Variants in MACROD2 observed in about 807,000 individuals in gnomAD.
MACROD2 encodes the protein mono-ADP ribosylhydrolase 2.
Under a neutral mutation model 70.4 loss-of-function variants are expected in MACROD2, and 36 were observed. The ratio of observed to expected loss-of-function variants is 0.51; its 90% CI spans 0.39 to 0.68. MACROD2 has a LOEUF of 0.68. Among genes scored for constraint, MACROD2 ranks in the 30% least tolerant of loss-of-function variants. The probability of loss-of-function intolerance (pLI) is 0.00; values close to 1 mark genes in which losing one functional copy is unlikely to be tolerated. For synonymous variants in MACROD2, 172 were observed against 178.8 expected (o/e 0.96, Z 0.30); for missense variants, 496 against 538.4 (o/e 0.92, Z 0.78).
At chr20:15,623,679 CCTAT>C (rs3071265) in intron 8 of MACROD2, among the ~76,000 whole-genome samples, 17,077 of 148,148 alleles carry the variant, frequency 0.12, 1,254 homozygotes, top group Non-Finnish European at 0.14. Flanking sequence ...AAGTTATCTG[CCTAT>C]CTATCTATCT....
At chr20:15,218,266 A>G (rs2076828159) in intron 5 of MACROD2, among the ~76,000 whole-genome samples, 1 of 152,126 alleles carries the variant, frequency 6.6e-6, no homozygotes. Flanking sequence ...CTTAGAGTCA[A>G]GCTCCTTGAA....
intron 7 of MACROD2, among the ~76,000 whole-genome samples, chr20:15,468,687 C>T (rs1034944289): frequency 7.9e-5 from 12 of 152,138 alleles, no homozygotes; most frequent in African/African-American, 2.9e-4. Flanking sequence ...TTCTATTATC[C>T]GTCTTCTGCT....
At chr20:14,441,066 CAT>C (rs754130897) in intron 3 of MACROD2, among the ~76,000 whole-genome samples, 3 of 152,176 alleles carry the variant, frequency 2.0e-5, no homozygotes, top group African/African-American at 2.4e-5. Flanking sequence ...AGTAAGAAAA[CAT>C]GTGCATTATT....
In MACROD2 at chr20:15,298,071, G is replaced by A. The variant is rs58055769; in HGVS notation, c.540+68010G>A. On this transcript the variant is annotated intron_variant, in intron 6 of 17. Coordinates refer to ENST00000684519, the MANE Select transcript of MACROD2 (RefSeq NM_001351661.2). ...CAGATAAAGGATATACCTGGATCAG[G>A]TTACCTGAGAACACAGATTGAGAAC... Among the ~76,000 whole-genome samples, 1,031 of 152,220 alleles carry A rather than the reference G, an allele frequency of 6.8e-3. 10 individuals are homozygous for A. Among genetic ancestry groups the A allele is most frequent in the African/African-American group, 0.023 (966 of 41,524 alleles).
At chr20:15,882,308 A>G (rs1237279533) in intron 9 of MACROD2, among the ~76,000 whole-genome samples, 1 of 152,076 alleles carries the variant, frequency 6.6e-6, no homozygotes, top group Non-Finnish European at 1.5e-5. Flanking sequence ...AAAGTAGACA[A>G]TTTTTTGAGG....
At chr20:14,035,476 G>T (rs970636050) in intron 2 of MACROD2, among the ~76,000 whole-genome samples, 12 of 152,154 alleles carry the variant, frequency 7.9e-5, no homozygotes, top group Non-Finnish European at 1.6e-4. Context: ...CATTTATATA[G>T]TGAGGATAAT....
At chr20:14,048,449 G>T (rs916266967) in intron 2 of MACROD2, among the ~76,000 whole-genome samples, 1 of 152,040 alleles carries the variant, frequency 6.6e-6, no homozygotes, top group African/African-American at 2.4e-5. Flanking sequence ...AAACAAAAAT[G>T]AGTTTCAAGC....
At chr20:15,133,353 C>A (rs6043106) in intron 5 of MACROD2, among the ~76,000 whole-genome samples, 134,552 of 152,130 alleles carry the variant, frequency 0.88, 59,671 homozygotes, top group East Asian at 1. Flanking sequence ...AACCAACCTC[C>A]TAGAAAAATA....
chr20:14,260,308 T>C (rs2082091411), intron 3 of MACROD2, among the ~76,000 whole-genome samples: 1 of 152,238 alleles, frequency 6.6e-6, no homozygotes, highest in South Asian at 2.1e-4. Flanking sequence ...AACATATTTA[T>C]GCCACTAGTG....
chr20:14,923,448 A>G (rs2209316), intron 5 of MACROD2, among the ~76,000 whole-genome samples: 77,883 of 151,790 alleles, frequency 0.51, 20,398 homozygotes, highest in South Asian at 0.71. Flanking sequence ...AATTTATCAC[A>G]ACACTTACTT....
Position 14,256,282 on chromosome 20 carries a change from A to C in MACROD2, c.271+170554A>C, listed in dbSNP as rs554374890. Among the ~76,000 whole-genome samples the C allele has an allele frequency of 4.6e-5, 7 of 152,242 alleles. No individual in the cohort carries two copies. In the South Asian group the frequency reaches 1.5e-3, roughly 32 times the overall value. ...GTGGTGTCTATTTATCTTCTGATATAACCAACTTTTAAAGAAATTCCTCAC... is the reference window on the plus strand; with the variant it reads ...GTGGTGTCTATTTATCTTCTGATATCACCAACTTTTAAAGAAATTCCTCAC... On this transcript the variant is annotated intron_variant, in intron 3 of 17. Coordinates refer to ENST00000684519, the MANE Select transcript of MACROD2 (RefSeq NM_001351661.2).
chr20:14,099,888 A>C (rs1031163239), intron 3 of MACROD2, among the ~76,000 whole-genome samples: 1 of 152,132 alleles, frequency 6.6e-6, no homozygotes, highest in Non-Finnish European at 1.5e-5. Context: ...AATTTGTAAG[A>C]TATACCATGA....
Position 14,238,800 on chromosome 20 carries a change from G to A in MACROD2, c.271+153072G>A, listed in dbSNP as rs182942816. 8.1e-3 allele frequency among the ~76,000 whole-genome samples: 1,227 copies of A among 151,898 alleles called. 15 individuals are homozygous for A. Among genetic ancestry groups the A allele is most frequent in the African/African-American group, 0.028 (1,160 of 41,392 alleles). On this transcript the variant is annotated intron_variant, in intron 3 of 17. Coordinates refer to ENST00000684519, the MANE Select transcript of MACROD2 (RefSeq NM_001351661.2). The stretch of plus-strand genomic sequence containing the variant: ...TCCCAGCACTTTGGGAGGCCGAGGC[G>A]GGCGGATCATTAGGTCAGGAGTTCA...
At chr20:15,595,463 G>T (rs900677641) in intron 8 of MACROD2, among the ~76,000 whole-genome samples, 5 of 152,014 alleles carry the variant, frequency 3.3e-5, no homozygotes, top group African/African-American at 9.7e-5. Flanking sequence ...AATTTGGAGA[G>T]AGAATCATTT....
intron 8 of MACROD2, among the ~76,000 whole-genome samples, chr20:15,704,648 A>G (rs1568984642): frequency 6.6e-6 from 1 of 152,322 alleles, no homozygotes; most frequent in East Asian, 1.9e-4. Flanking sequence ...ACAAGCTCCC[A>G]GGTGATGCTG....
At chr20:15,826,495 A>T (rs1407106284) in intron 8 of MACROD2, among the ~76,000 whole-genome samples, 1 of 152,252 alleles carries the variant, frequency 6.6e-6, no homozygotes, top group Admixed American at 6.5e-5. Flanking sequence ...AATAAACATT[A>T]TTTAACTCAA....
intron 3 of MACROD2, among the ~76,000 whole-genome samples, chr20:14,372,629 G>A (rs866354043): frequency 1.3e-5 from 2 of 151,978 alleles, no homozygotes; most frequent in African/African-American, 2.4e-5. Context: ...TCCTCTCACC[G>A]TTACCCCCAG....
chr20:15,345,596 C>T (rs1446521838), intron 6 of MACROD2, among the ~76,000 whole-genome samples: 2 of 152,210 alleles, frequency 1.3e-5, no homozygotes, highest in African/African-American at 2.4e-5. Context: ...AGTCTCTGTG[C>T]TGTCCAATAT....
chr20:15,340,126 C>CTT lies in MACROD2; in HGVS notation c.541-91277_541-91276dup, dbSNP rs1372227059. Among the ~76,000 whole-genome samples, 108 of 91,818 alleles carry CTT rather than the reference C, an allele frequency of 1.2e-3. 8 individuals are homozygous for CTT. Among genetic ancestry groups the CTT allele is most frequent in the East Asian group, 2.2e-3 (6 of 2,756 alleles). The allele number at this position is 91,818 out of a possible 152,430, so 60.2% of individuals were successfully genotyped here. On this transcript the variant is annotated intron_variant, in intron 6 of 17. Transcript: ENST00000684519. ...CTTTTTCTTTTTTCTTTCTTTCTTT[C>CTT]TTTCTTTTTTTTTTTTTTTTTTTTT...
Sources: allele counts gnomAD v4.1 joint callset (sites outside exome capture counted in the v4.1 genomes callset), GRCh38; gene constraint gnomAD v4.1.1; transcripts MANE v1.5; gene names NCBI Gene and HGNC (gene_info 2026-07-23, HGNC 2026-07-21).